Variants in PLAAT3 observed in about 807,000 individuals in gnomAD.
PLAAT3 encodes phospholipase A and acyltransferase 3.
Under a neutral mutation model 16.7 loss-of-function variants are expected in PLAAT3, and 21 were observed. The observed-to-expected ratio is 1.26, with a 90% CI of 0.89 to 1.81. The LOEUF (loss-of-function observed/expected upper bound fraction) is 1.81, where lower values mean the gene tolerates loss of function less well. Ranked by LOEUF, PLAAT3 falls within the 40% of genes most tolerant of loss-of-function variation. The probability of loss-of-function intolerance (pLI) is 0.00; values close to 1 mark genes in which losing one functional copy is unlikely to be tolerated. For synonymous variants in PLAAT3, 76 were observed against 81.7 expected (o/e 0.93, Z 0.38); for missense variants, 219 against 213.7 (o/e 1.02, Z -0.16).
In PLAAT3 at chr11:63,574,938, T is replaced by A. The variant is rs1466417533; in HGVS notation, c.*7A>T. On this transcript the variant is annotated 3_prime_UTR_variant, in exon 5 of 5. Coordinates refer to ENST00000415826, the MANE Select transcript of PLAAT3 (RefSeq NM_001128203.2). ...AAAGTCATCGCTGACAGGACAGTCT[T>A]TTTCAGTTATTGCTTTTGTCGCTTG... is the stretch of plus-strand genomic sequence containing the variant. 1 of 1,566,758 alleles carries A rather than the reference T, an allele frequency of 6.4e-7. No homozygotes were observed. The highest frequency in any genetic ancestry group is 1.1e-5 in the South Asian group (1 of 90,158).
chr11:63,602,653 T>C (rs560730842), intron 2 of PLAAT3, among the ~76,000 whole-genome samples: 22 of 152,230 alleles, frequency 1.4e-4, no homozygotes, highest in Admixed American at 1.0e-3. Context: ...ATGAAAATTA[T>C]ATGAAATTCA....
At chr11:63,575,268 A>C (rs1353196983) in intron 4 of PLAAT3, among the ~76,000 whole-genome samples, 2 of 152,282 alleles carry the variant, frequency 1.3e-5, no homozygotes, top group African/African-American at 4.8e-5. Flanking sequence ...ATGGAACCAA[A>C]GATGGAAAAC....
chr11:63,613,431 A>AAT (rs10658157), intron 2 of PLAAT3, among the ~76,000 whole-genome samples: 94,395 of 147,756 alleles, frequency 0.64, 30,608 homozygotes, highest in Middle Eastern at 0.72. Context: ...AATAAAAATA[A>AAT]AAATAAATAA....
chr11:63,616,149 T>C (rs1590705912), upstream of PLAAT3, among the ~76,000 whole-genome samples: 1 of 152,284 alleles, frequency 6.6e-6, no homozygotes, highest in East Asian at 1.9e-4. Context: ...TAGTACATTG[T>C]TATTTACTAT....
intron 3 of PLAAT3, 70 bp downstream of exon 3, chr11:63,597,991 C>T (rs1292342810): frequency 2.0e-6 from 2 of 1,012,488 alleles, no homozygotes; most frequent in African/African-American, 3.2e-5. Context: ...CACCTGTTAC[C>T]CACAGTTCCC....
chr11:63,604,156 C>T (rs1046989106), intron 2 of PLAAT3, among the ~76,000 whole-genome samples: 2 of 152,052 alleles, frequency 1.3e-5, no homozygotes, highest in Non-Finnish European at 2.9e-5. Context: ...ATATAATAGA[C>T]TTTTTTATAC....
chr11:63,582,298 A>T (rs1004948215), intron 4 of PLAAT3, among the ~76,000 whole-genome samples: 3 of 152,232 alleles, frequency 2.0e-5, no homozygotes, highest in African/African-American at 7.2e-5. Flanking sequence ...GAAGGAAAGG[A>T]AATCCAAAGG....
intron 4 of PLAAT3, among the ~76,000 whole-genome samples, chr11:63,586,731 A>G (rs1937988841): frequency 6.6e-6 from 1 of 152,200 alleles, no homozygotes; most frequent in Admixed American, 6.5e-5. Flanking sequence ...TAATTCAAAA[A>G]AAAAAAACTT....
intron 2 of PLAAT3, among the ~76,000 whole-genome samples, chr11:63,605,623 G>T (rs1843072522): frequency 6.6e-6 from 1 of 151,834 alleles, no homozygotes; most frequent in Non-Finnish European, 1.5e-5. Context: ...CGCGATCTCG[G>T]CTCCCTGCAA....
At chr11:63,606,939 G>A (rs981270403) in intron 2 of PLAAT3, among the ~76,000 whole-genome samples, 1 of 152,192 alleles carries the variant, frequency 6.6e-6, no homozygotes, top group Non-Finnish European at 1.5e-5. Context: ...GGTTTTAAAA[G>A]GGTCCCTCTG....
At chr11:63,613,735 C>T (rs1758705454) in intron 2 of PLAAT3, among the ~76,000 whole-genome samples, 1 of 152,248 alleles carries the variant, frequency 6.6e-6, no homozygotes, top group African/African-American at 2.4e-5. Context: ...GCCCTGGCCA[C>T]CTCCCTCCTG....
In PLAAT3 at chr11:63,614,023, G is replaced by A. The variant is rs772336978; in HGVS notation, c.-9C>T. ...ACAATGGGCGCACGCATCTTCCCTC[G>A]CGGTGTGGACCCTCAAGGCCAGGCT... On this transcript the variant is annotated 5_prime_UTR_variant, in exon 2 of 5. Transcript: ENST00000415826. The A allele has an allele frequency of 1.9e-6, 3 of 1,611,614 alleles. No homozygotes were observed. In the African/African-American group the frequency reaches 4.0e-5, roughly 22 times the overall value.
chr11:63,582,953 A>G (rs1344353248), intron 4 of PLAAT3, among the ~76,000 whole-genome samples: 2 of 152,128 alleles, frequency 1.3e-5, no homozygotes, highest in African/African-American at 4.8e-5. Context: ...CAACATGGTG[A>G]AACCTCATCT....
At chr11:63,583,186 G>A (rs1397395901) in intron 4 of PLAAT3, among the ~76,000 whole-genome samples, 2 of 152,146 alleles carry the variant, frequency 1.3e-5, no homozygotes, top group Non-Finnish European at 2.9e-5. Context: ...TTTGGATGGA[G>A]CTACCAACCT....
Position 63,580,629 on chromosome 11 carries a change from G to A in PLAAT3, c.388-5583C>T, listed in dbSNP as rs1937783612. Among the ~76,000 whole-genome samples, 3 of 152,108 alleles carry A rather than the reference G, an allele frequency of 2.0e-5. No individual in the cohort carries two copies. In the South Asian group the frequency reaches 6.2e-4, roughly 32 times the overall value. Reference sequence around the variant, plus strand: ...AGATCACGCCACTGCACTCCAGCCTGGGCAACAGAGCAAGACTGTCTCAAA... The same window carrying A: ...AGATCACGCCACTGCACTCCAGCCTAGGCAACAGAGCAAGACTGTCTCAAA... On this transcript the variant is annotated intron_variant, in intron 4 of 4. Coordinates refer to ENST00000415826, the MANE Select transcript of PLAAT3 (RefSeq NM_001128203.2).
chr11:63,582,929 G>A (rs936958214), intron 4 of PLAAT3, among the ~76,000 whole-genome samples: 3 of 152,048 alleles, frequency 2.0e-5, no homozygotes, highest in East Asian at 1.9e-4. Context: ...TCAGGAGTTC[G>A]AGACCAGCCT....
chr11:63,601,241 A>G (rs554962703), intron 2 of PLAAT3, among the ~76,000 whole-genome samples: 5 of 151,476 alleles, frequency 3.3e-5, no homozygotes, highest in African/African-American at 1.2e-4. Flanking sequence ...TTTTTAGTAG[A>G]GATGGGGTTT....
chr11:63,612,701 T>C, intron 2 of PLAAT3, among the ~76,000 whole-genome samples: 1 of 152,230 alleles, frequency 6.6e-6, no homozygotes, highest in East Asian at 1.9e-4. Flanking sequence ...TCTAAGTTTT[T>C]CCTTTTTTCA....
intron 4 of PLAAT3, among the ~76,000 whole-genome samples, chr11:63,576,525 G>A (rs1036632847): frequency 1.3e-5 from 2 of 152,146 alleles, no homozygotes; most frequent in African/African-American, 4.8e-5. Flanking sequence ...GGAGGCTGAG[G>A]CAGAAAAAAA....
Sources: gnomAD v4.1 joint callset for allele counts (sites outside exome capture counted in the v4.1 genomes callset) on GRCh38, gnomAD v4.1.1 for gene constraint, MANE v1.5 for transcripts, NCBI Gene and HGNC (gene_info 2026-07-23, HGNC 2026-07-21) for gene names.